The following CNR1 variants were observed in gnomAD, a reference collection of about 807,000 sequenced individuals.
CNR1 encodes cannabinoid receptor 1.
A neutral mutation model predicts 23.0 loss-of-function variants in CNR1; 10 were observed. The observed-to-expected ratio is 0.43, with a 90% CI of 0.27 to 0.74. CNR1 has a LOEUF of 0.74. CNR1 is among the 30% of genes least tolerant of loss of function. The pLI is 0.19. For synonymous variants in CNR1, 271 were observed against 255.2 expected (o/e 1.06, Z -0.59); for missense variants, 422 against 618.8 (o/e 0.68, Z 3.37).
intron 1 of CNR1, among the ~76,000 whole-genome samples, chr6:88,157,130 G>C (rs776947054): frequency 6.6e-6 from 1 of 152,164 alleles, no homozygotes; most frequent in Non-Finnish European, 1.5e-5. Flanking sequence ...AACCTTGAAT[G>C]AATCTTAATT....
At chr6:88,164,625 A>G (rs1050189774) in intron 1 of CNR1, among the ~76,000 whole-genome samples, 24 of 152,314 alleles carry the variant, frequency 1.6e-4, no homozygotes, top group African/African-American at 5.5e-4. Context: ...CAATTAGTGT[A>G]TCTTCCCTTG....
chr6:88,144,231 G>T lies in CNR1; in HGVS notation c.1044C>A (p.Ile348=). 6.2e-7 allele frequency: 1 copy of T among 1,611,702 alleles called. No homozygotes were observed. The highest frequency in any genetic ancestry group is 8.5e-7 in the Non-Finnish European group (1 of 1,179,998). The change falls in exon 2 of 2, where the codon ATC becomes ATA. Residue 348 remains isoleucine (I), a synonymous_variant. Transcript: ENST00000369501. The surrounding 1 kb of genome is among the most constrained non-coding windows in gnomAD (Gnocchi z 7.8). ...CCCAGCAGATGATCAACACCACCAG[G>T]ATCAGGACCAGGGTCTTGGCTAACC... ...DIRLAKTLVL[I]LVVLIICWGP...
At chr6:88,150,509 T>A (rs1777462424) in intron 1 of CNR1, among the ~76,000 whole-genome samples, 1 of 152,236 alleles carries the variant, frequency 6.6e-6, no homozygotes, top group Non-Finnish European at 1.5e-5. Context: ...GAAGTACACA[T>A]TGTGAACAGT....
In CNR1 at chr6:88,151,634, T is replaced by C. The variant is rs1777525152; in HGVS notation, c.-63-6297A>G. 2.0e-5 allele frequency among the ~76,000 whole-genome samples: 3 copies of C among 151,882 alleles called. No individual in the cohort carries two copies. The South Asian group carries it at 6.2e-4, about 32-fold the overall frequency. On this transcript the variant is annotated intron_variant, in intron 1 of 1. Coordinates refer to ENST00000369501, the MANE Select transcript of CNR1 (RefSeq NM_016083.6). ...TTATCATTACTTAGTATTATGGCTC[T>C]TTGCTATATACTATATACTAATTAT...
In CNR1 at chr6:88,143,660, T is replaced by G; in HGVS notation, c.*196A>C. Reference sequence around the variant, plus strand: ...CTTAAACAACAGGCTTTCTTCACTGTAAACCCCTGGAGAATGGAGTTTGAG... The same window carrying G: ...CTTAAACAACAGGCTTTCTTCACTGGAAACCCCTGGAGAATGGAGTTTGAG... On this transcript the variant is annotated 3_prime_UTR_variant, in exon 2 of 2. Coordinates refer to ENST00000369501, the MANE Select transcript of CNR1 (RefSeq NM_016083.6). 3.5e-6 allele frequency: 2 copies of G among 567,502 alleles called. No homozygotes were observed. Among genetic ancestry groups the G allele is most frequent in the South Asian group, 4.4e-5 (2 of 45,046 alleles). 35.2% of individuals were successfully genotyped at this position (567,502 alleles called of 1,614,324 possible).
rs1348484005 is a variant in CNR1, at chr6:88,166,340, C to G, written c.-601G>C. The G allele has an allele frequency of 6.6e-6, 1 of 152,354 alleles. No homozygotes were observed. Among genetic ancestry groups the G allele is most frequent in the African/African-American group, 2.4e-5 (1 of 41,460 alleles). The allele number at this position is 152,354 out of a possible 1,614,324, so 9.4% of individuals were successfully genotyped here. On this transcript the variant is annotated 5_prime_UTR_variant, in exon 1 of 2. Transcript: ENST00000369501. ...GTCCCTGCCGCTCCCTCCGCTCGCG[C>G]TGTCTCTGGCTCCCTCTCGCTCCAG...
chr6:88,153,690 C>G (rs1187529176), intron 1 of CNR1, among the ~76,000 whole-genome samples: 1 of 152,176 alleles, frequency 6.6e-6, no homozygotes, highest in Non-Finnish European at 1.5e-5. Flanking sequence ...TTTCTGGGAA[C>G]AAGTCTGTTT....
intron 1 of CNR1, 141 bp downstream of exon 1, chr6:88,165,662 T>C (rs1043767912): frequency 6.6e-6 from 1 of 152,482 alleles, no homozygotes; most frequent in Non-Finnish European, 1.5e-5. Flanking sequence ...GCTGGGGCCA[T>C]ACAGCTAAGT....
intron 1 of CNR1, among the ~76,000 whole-genome samples, chr6:88,165,593 C>T (rs966114606): frequency 6.6e-6 from 1 of 152,212 alleles, no homozygotes; most frequent in African/African-American, 2.4e-5. Context: ...GGTGCACACA[C>T]ATTCAATAAA....
intron 1 of CNR1, among the ~76,000 whole-genome samples, chr6:88,150,601 T>C (rs892175113): frequency 1.3e-5 from 2 of 152,200 alleles, no homozygotes; most frequent in African/African-American, 4.8e-5. Flanking sequence ...CTCCTACTGA[T>C]GGAGGTTTAG....
At chr6:88,145,537 G>T (rs960465653) in intron 1 of CNR1, among the ~76,000 whole-genome samples, 200 bp from the exon 2 acceptor site, 1 of 152,256 alleles carries the variant, frequency 6.6e-6, no homozygotes, top group Non-Finnish European at 1.5e-5. Context: ...CAGGGATGGC[G>T]TGGCACATGC....
chr6:88,141,582 A>G lies in CNR1; in HGVS notation c.*2274T>C, dbSNP rs540578399. The G allele has an allele frequency of 2.6e-5, 4 of 152,496 alleles. No individual in the cohort carries two copies. Among genetic ancestry groups the G allele is most frequent in the African/African-American group, 9.6e-5 (4 of 41,580 alleles). The allele number at this position is 152,496 out of a possible 1,614,324, so 9.4% of individuals were successfully genotyped here. A position where few individuals can be genotyped will look rare whatever the true frequency, so the allele number is the denominator to read the frequency against. ...TTAATGTTCAAGATGATGCAGGACA[A>G]AAGACTGGCAATTCTTAAATGCAAA... On this transcript the variant is annotated 3_prime_UTR_variant, in exon 2 of 2. Transcript: ENST00000369501.
intron 1 of CNR1, among the ~76,000 whole-genome samples, chr6:88,148,963 G>GT (rs964569297): frequency 1.8e-4 from 28 of 152,088 alleles, no homozygotes; most frequent in Non-Finnish European, 3.4e-4. Flanking sequence ...AAAATTGAGG[G>GT]TTTTTTTTAG....
chr6:88,142,459 T>C lies in CNR1; in HGVS notation c.*1397A>G, dbSNP rs1190508815. 1 of 152,396 alleles carries C rather than the reference T, an allele frequency of 6.6e-6. No homozygotes were observed. The highest frequency in any genetic ancestry group is 1.5e-5 in the Non-Finnish European group (1 of 68,044). The allele number at this position is 152,396 out of a possible 1,614,324, so 9.4% of individuals were successfully genotyped here. A position where few individuals can be genotyped will look rare whatever the true frequency, so the allele number is the denominator to read the frequency against. ...GCTCAGAAACCAAAGTACTCTCCTT[T>C]CCTGGCAATAACACTACAAATACAT... is the stretch of plus-strand genomic sequence containing the variant. On this transcript the variant is annotated 3_prime_UTR_variant, in exon 2 of 2. Coordinates refer to ENST00000369501, the MANE Select transcript of CNR1 (RefSeq NM_016083.6).
Position 88,140,701 on chromosome 6 carries a change from C to T in CNR1, c.*3155G>A, listed in dbSNP as rs1054240893. The T allele has an allele frequency of 6.6e-6, 1 of 152,302 alleles. No homozygotes were observed. The highest frequency in any genetic ancestry group is 2.1e-4 in the South Asian group (1 of 4,834). 9.4% of individuals were successfully genotyped at this position (152,302 alleles called of 1,614,324 possible). A position where few individuals can be genotyped will look rare whatever the true frequency, so the allele number is the denominator to read the frequency against. On this transcript the variant is annotated 3_prime_UTR_variant, in exon 2 of 2. Coordinates refer to ENST00000369501, the MANE Select transcript of CNR1 (RefSeq NM_016083.6). ...GGACAGTAACTATAGCGCTACTCAT[C>T]CAGGGCCTAATTCTCATCTGGTGGT... is the stretch of plus-strand genomic sequence containing the variant.
intron 1 of CNR1, among the ~76,000 whole-genome samples, chr6:88,146,187 C>G (rs987829038): frequency 6.6e-6 from 1 of 152,062 alleles, no homozygotes; most frequent in African/African-American, 2.4e-5. Context: ...CTCACTGCAG[C>G]CTCCACCTCC....
chr6:88,143,753 A>G lies in CNR1; in HGVS notation c.*103T>C, dbSNP rs998363056. On this transcript the variant is annotated 3_prime_UTR_variant, in exon 2 of 2. Coordinates refer to ENST00000369501, the MANE Select transcript of CNR1 (RefSeq NM_016083.6). Reference sequence around the variant, plus strand: ...GGTGACAATCACCTTTTCATTGAGCATGGTAAAGTTAAAAAAATATAACCA... The same window carrying G: ...GGTGACAATCACCTTTTCATTGAGCGTGGTAAAGTTAAAAAAATATAACCA... 9.9e-6 allele frequency: 8 copies of G among 805,912 alleles called. No homozygotes were observed. In the Admixed American group the frequency reaches 1.6e-4, roughly 16 times the overall value. 49.9% of individuals were successfully genotyped at this position (805,912 alleles called of 1,614,324 possible). A position where few individuals can be genotyped will look rare whatever the true frequency, so the allele number is the denominator to read the frequency against.
chr6:88,159,523 G>C (rs1304079423), intron 1 of CNR1, among the ~76,000 whole-genome samples: 1 of 152,104 alleles, frequency 6.6e-6, no homozygotes, highest in Admixed American at 6.5e-5. Flanking sequence ...CAATAAAAAT[G>C]GATCACAGAT....
At chr6:88,162,674 A>T (rs1232327476) in intron 1 of CNR1, among the ~76,000 whole-genome samples, 1 of 152,248 alleles carries the variant, frequency 6.6e-6, no homozygotes, top group Non-Finnish European at 1.5e-5. Context: ...TTTTGGCAAC[A>T]CAAAGTATAT....
Sources: allele counts gnomAD v4.1 joint callset (sites outside exome capture counted in the v4.1 genomes callset), GRCh38; gene constraint gnomAD v4.1.1; non-coding constraint Gnocchi (gnomAD v3.1); transcripts MANE v1.5; gene names NCBI Gene and HGNC (gene_info 2026-07-23, HGNC 2026-07-21).